KLHL32: variants seen among roughly 807,000 people sequenced by gnomAD.
KLHL32 encodes kelch-like protein 32.
KLHL32 carries 35 observed loss-of-function variants against 64.8 expected under a neutral mutation model. That is an observed-to-expected ratio of 0.54 (90% CI 0.41 to 0.72). The LOEUF (loss-of-function observed/expected upper bound fraction) is 0.72, where lower values mean the gene tolerates loss of function less well. Ranked by LOEUF, KLHL32 falls within the 30% of genes least tolerant of loss-of-function variation. The pLI, the probability that KLHL32 is intolerant of heterozygous loss-of-function variation, is 0.00. For missense variants in KLHL32, 589 were observed against 768.5 expected, an observed-to-expected ratio of 0.77 and a Z score of 2.76; for synonymous variants, 259 against 281.0, an observed-to-expected ratio of 0.92 and a Z score of 0.78.
chr6:97,106,964 A>G (rs1420302324), intron 6 of KLHL32, among the ~76,000 whole-genome samples: 1 of 152,282 alleles, frequency 6.6e-6, no homozygotes, highest in Non-Finnish European at 1.5e-5. Flanking sequence ...TTATTTTTAA[A>G]GCAGAATTTA....
At chr6:97,078,399 T>G (rs1791939275) in intron 5 of KLHL32, among the ~76,000 whole-genome samples, 1 of 152,162 alleles carries the variant, frequency 6.6e-6, no homozygotes, top group African/African-American at 2.4e-5. Flanking sequence ...GAGAGTTGTC[T>G]AAGTGAAGTG....
chr6:97,020,136 T>G (rs1002467240), intron 3 of KLHL32, among the ~76,000 whole-genome samples: 1 of 151,708 alleles, frequency 6.6e-6, no homozygotes, highest in Admixed American at 6.6e-5. Context: ...AGAGACAGGG[T>G]TTCACCGTGT....
chr6:96,929,924 A>T (rs973779404), intron 1 of KLHL32, among the ~76,000 whole-genome samples: 1 of 152,220 alleles, frequency 6.6e-6, no homozygotes, highest in Non-Finnish European at 1.5e-5. Flanking sequence ...CTGATAAGAT[A>T]ATTTTTAAAT....
chr6:97,001,683 C>T (rs1779052721), intron 3 of KLHL32, among the ~76,000 whole-genome samples: 1 of 152,162 alleles, frequency 6.6e-6, no homozygotes, highest in Non-Finnish European at 1.5e-5. Context: ...TTGCCCAATA[C>T]TGAACTATTA....
chr6:97,101,778 C>G (rs1795756398), intron 6 of KLHL32, among the ~76,000 whole-genome samples: 1 of 152,208 alleles, frequency 6.6e-6, no homozygotes, highest in African/African-American at 2.4e-5. Flanking sequence ...TTTATTATCA[C>G]TTTAAATATG....
At chr6:97,025,269 T>C (rs1454830283) in intron 3 of KLHL32, 3 of 318,162 alleles carry the variant, frequency 9.4e-6, no homozygotes, top group Non-Finnish European at 1.4e-5. Flanking sequence ...GTTGAATCGG[T>C]TGCTTTTCAT....
At chr6:96,933,288 G>A (rs939704595) in intron 1 of KLHL32, among the ~76,000 whole-genome samples, 1 of 152,138 alleles carries the variant, frequency 6.6e-6, no homozygotes, top group Non-Finnish European at 1.5e-5. Context: ...TTGGAATTCT[G>A]CTTCCTCTAC....
chr6:97,003,392 T>C (rs201146068), intron 3 of KLHL32, among the ~76,000 whole-genome samples: 2 of 152,188 alleles, frequency 1.3e-5, no homozygotes, highest in East Asian at 1.9e-4. Context: ...TTCTGGATAG[T>C]AGACCTTTGT....
intron 6 of KLHL32, among the ~76,000 whole-genome samples, chr6:97,089,646 G>T (rs983568174): frequency 6.6e-6 from 1 of 152,068 alleles, no homozygotes. Flanking sequence ...AGGTGTGGTG[G>T]CAGGCACCTG....
chr6:97,032,734 A>T (rs900282920), intron 3 of KLHL32, among the ~76,000 whole-genome samples: 3 of 152,228 alleles, frequency 2.0e-5, no homozygotes, highest in Non-Finnish European at 2.9e-5. Flanking sequence ...TTAACCACTC[A>T]TGTAATAAAA....
intron 10 of KLHL32, among the ~76,000 whole-genome samples, chr6:97,132,978 TG>T (rs2128222840): frequency 1.3e-5 from 2 of 152,326 alleles, no homozygotes; most frequent in African/African-American, 4.8e-5. Flanking sequence ...GAAAAATATA[TG>T]TAATATATAT....
chr6:97,001,266 G>T (rs1046964002), intron 3 of KLHL32, among the ~76,000 whole-genome samples: 2 of 152,094 alleles, frequency 1.3e-5, no homozygotes, highest in African/African-American at 4.8e-5. Context: ...CTTGTGGAGG[G>T]GGAAGGAGCT....
At chr6:96,908,373 T>C in the KLHL32 span, among the ~76,000 whole-genome samples, 13 of 152,160 alleles carry the variant, frequency 8.5e-5, no homozygotes, top group Admixed American at 8.5e-4. Context: ...CTTGTAATGA[T>C]AAAACTGGGC....
At chr6:96,993,719 G>C (rs1170471931) in intron 3 of KLHL32, among the ~76,000 whole-genome samples, 1 of 152,126 alleles carries the variant, frequency 6.6e-6, no homozygotes, top group Non-Finnish European at 1.5e-5. Context: ...GAAGACATAA[G>C]ACTCCTAATC....
At chr6:97,043,985 T>C (rs1355618800) in intron 4 of KLHL32, among the ~76,000 whole-genome samples, 1 of 152,070 alleles carries the variant, frequency 6.6e-6, no homozygotes, top group East Asian at 1.9e-4. Context: ...TTGTATTTTT[T>C]TTTTCTTGTC....
chr6:97,107,721 C>T (rs1303537607), intron 6 of KLHL32, among the ~76,000 whole-genome samples: 1 of 151,992 alleles, frequency 6.6e-6, no homozygotes, highest in African/African-American at 2.4e-5. Flanking sequence ...TTATAAAGGC[C>T]TTATAAGAAA....
intron 6 of KLHL32, among the ~76,000 whole-genome samples, chr6:97,107,056 G>A (rs1243811889): frequency 3.3e-5 from 5 of 152,162 alleles, no homozygotes; most frequent in Admixed American, 6.5e-5. Context: ...ACTTTGGGAG[G>A]CGAAGGCGGG....
chr6:97,115,340 A>G (rs181886809), intron 7 of KLHL32, among the ~76,000 whole-genome samples: 3 of 152,322 alleles, frequency 2.0e-5, no homozygotes, highest in Admixed American at 1.3e-4. Context: ...TTTGTTTTTA[A>G]TTATCCGTGA....
At chr6:96,981,008 G>C (rs549680273) in intron 3 of KLHL32, among the ~76,000 whole-genome samples, 2 of 150,982 alleles carry the variant, frequency 1.3e-5, no homozygotes, top group African/African-American at 2.5e-5. Flanking sequence ...GTGGTGGGGC[G>C]GGGGGGCAGG....
Sources: gnomAD v4.1 joint callset for allele counts (sites outside exome capture counted in the v4.1 genomes callset) on GRCh38, gnomAD v4.1.1 for gene constraint, MANE v1.5 for transcripts, NCBI Gene and HGNC (gene_info 2026-07-23, HGNC 2026-07-21) for gene names.